The following ERG variants were observed in gnomAD, a reference collection of about 807,000 sequenced individuals.
ERG encodes ETS transcription factor ERG.
In ERG, 9 loss-of-function variants were observed where a neutral mutation model predicts 55.3. That is an observed-to-expected ratio of 0.16 (90% CI 0.10 to 0.28). The LOEUF (loss-of-function observed/expected upper bound fraction) is 0.28, where lower values mean the gene tolerates loss of function less well. Among genes scored for constraint, ERG ranks in the 10% least tolerant of loss-of-function variants. The pLI, the probability that ERG is intolerant of heterozygous loss-of-function variation, is 1.00. For missense variants in ERG, 434 were observed against 631.6 expected (o/e 0.69, Z 3.35); for synonymous variants, 223 against 237.3 (o/e 0.94, Z 0.55).
chr21:38,575,592 G>T, intron 2 of ERG: 1 of 1,106,846 alleles, frequency 9.0e-7, no homozygotes, highest in South Asian at 1.2e-5. Context: ...ACTGATATGT[G>T]GGCTGCTATC....
At chr21:38,451,660 T>C (rs1000465209) in intron 1 of ERG, among the ~76,000 whole-genome samples, 1 of 152,222 alleles carries the variant, frequency 6.6e-6, no homozygotes, top group Non-Finnish European at 1.5e-5. Context: ...GTCTAGTATC[T>C]AATTGTATTT....
intron 1 of ERG, among the ~76,000 whole-genome samples, chr21:38,604,251 CAAAA>C (rs397972884): frequency 4.2e-5 from 4 of 94,136 alleles, no homozygotes; most frequent in Admixed American, 1.3e-4. Context: ...GAGACTCCGT[CAAAA>C]AAAAAAAAAA....
At chr21:38,627,098 G>A (rs2060329398) in intron 1 of ERG, among the ~76,000 whole-genome samples, 1 of 150,200 alleles carries the variant, frequency 6.7e-6, no homozygotes, top group South Asian at 2.1e-4. Flanking sequence ...TAAATACCGA[G>A]AATAAAAAAA....
chr21:38,621,578 C>T (rs1057102216), intron 1 of ERG, among the ~76,000 whole-genome samples: 2 of 152,146 alleles, frequency 1.3e-5, no homozygotes, highest in African/African-American at 4.8e-5. Flanking sequence ...ACCTGAAGTC[C>T]TCTGAGTGAC....
chr21:38,660,357 T>G (rs1488529126), intron 1 of ERG, among the ~76,000 whole-genome samples: 1 of 152,208 alleles, frequency 6.6e-6, no homozygotes, highest in East Asian at 1.9e-4. Context: ...GACCCCGCAC[T>G]GGCGAGCCGT....
chr21:38,412,235 T>G (rs1270720394), intron 3 of ERG, among the ~76,000 whole-genome samples: 1 of 152,228 alleles, frequency 6.6e-6, no homozygotes, highest in Non-Finnish European at 1.5e-5. Flanking sequence ...TATGTTAAAC[T>G]TTCTTAGTCC....
the ERG span, among the ~76,000 whole-genome samples, chr21:38,369,604 G>A: frequency 2.0e-5 from 3 of 152,092 alleles, no homozygotes; most frequent in African/African-American, 4.8e-5. Context: ...AGTTTATTTT[G>A]CTGTGCAGAA....
chr21:38,459,647 A>G (rs770416009), intron 1 of ERG, among the ~76,000 whole-genome samples: 7 of 152,212 alleles, frequency 4.6e-5, no homozygotes, highest in Non-Finnish European at 1.0e-4. Flanking sequence ...ACCTTTATTC[A>G]GAGGATTTAG....
intron 2 of ERG, among the ~76,000 whole-genome samples, chr21:38,550,627 C>A (rs573270767): frequency 6.6e-6 from 1 of 152,338 alleles, no homozygotes; most frequent in South Asian, 2.1e-4. Context: ...TCTCAGACTT[C>A]CAGCCTTTAG....
intron 1 of ERG, among the ~76,000 whole-genome samples, chr21:38,459,236 T>A (rs1206255379): frequency 6.6e-6 from 1 of 152,168 alleles, no homozygotes; most frequent in Admixed American, 6.5e-5. Context: ...GGATGGCAGG[T>A]GCATGCTTAA....
chr21:38,544,377 C>T (rs1047692331), intron 2 of ERG, among the ~76,000 whole-genome samples: 1 of 152,116 alleles, frequency 6.6e-6, no homozygotes, highest in Non-Finnish European at 1.5e-5. Flanking sequence ...CAGACCCTCG[C>T]TTGCAGAGAA....
chr21:38,471,358 A>T (rs2059137511), intron 1 of ERG: 1 of 104,592 alleles, frequency 9.6e-6, no homozygotes, highest in African/African-American at 3.6e-5. Context: ...GGCACCTTCA[A>T]ACTGTGGTCC....
intron 2 of ERG, among the ~76,000 whole-genome samples, chr21:38,539,099 A>G (rs1277184091): frequency 6.6e-6 from 1 of 152,222 alleles, no homozygotes; most frequent in East Asian, 1.9e-4. Context: ...AGGCACTTTA[A>G]CGATGCTGAG....
intron 1 of ERG, among the ~76,000 whole-genome samples, chr21:38,486,219 C>T (rs1316307197): frequency 1.3e-5 from 2 of 152,182 alleles, no homozygotes; most frequent in Non-Finnish European, 2.9e-5. Flanking sequence ...AGGTGTGAGC[C>T]ACCGCACCTG....
At chr21:38,464,615 T>C (rs2059072193) in intron 1 of ERG, among the ~76,000 whole-genome samples, 1 of 152,192 alleles carries the variant, frequency 6.6e-6, no homozygotes, top group Non-Finnish European at 1.5e-5. Flanking sequence ...GTGCAGAACA[T>C]GCAGGTTTGT....
At chr21:38,406,628 T>G (rs1988786546) in intron 3 of ERG, among the ~76,000 whole-genome samples, 1 of 152,232 alleles carries the variant, frequency 6.6e-6, no homozygotes, top group Non-Finnish European at 1.5e-5. Flanking sequence ...TGTTTTGTTT[T>G]GCTTTGCTTT....
At chr21:38,661,757 T>C (rs1287133715), upstream of ERG, 1 of 151,940 alleles carries the variant, frequency 6.6e-6, no homozygotes, top group African/African-American at 2.4e-5. Flanking sequence ...TTGCACACTC[T>C]CCCCATTCCG....
downstream of ERG, among the ~76,000 whole-genome samples, chr21:38,378,808 A>C (rs189824336): frequency 9.2e-5 from 14 of 152,360 alleles, no homozygotes; most frequent in East Asian, 2.7e-3. Flanking sequence ...TGTCCATATG[A>C]GGCAAAATAG....
intron 1 of ERG, among the ~76,000 whole-genome samples, chr21:38,485,640 A>G (rs1272228180): frequency 6.6e-6 from 1 of 151,186 alleles, no homozygotes; most frequent in African/African-American, 2.4e-5. Flanking sequence ...TTGTATTTTT[A>G]GTAGAGATGG....
Sources: allele counts gnomAD v4.1 joint callset (sites outside exome capture counted in the v4.1 genomes callset), GRCh38; gene constraint gnomAD v4.1.1; transcripts MANE v1.5; gene names NCBI Gene and HGNC (gene_info 2026-07-23, HGNC 2026-07-21).